Variants in SLC39A8 observed in about 807,000 individuals in gnomAD.
The protein encoded by SLC39A8 is metal cation symporter ZIP8.
A neutral mutation model predicts 40.4 loss-of-function variants in SLC39A8; 15 were observed. The ratio of observed to expected loss-of-function variants is 0.37; its 90% CI spans 0.25 to 0.57. The LOEUF (loss-of-function observed/expected upper bound fraction) is 0.57, where lower values mean the gene tolerates loss of function less well. Ranked by LOEUF, SLC39A8 falls within the 20% of genes least tolerant of loss-of-function variation. The pLI is 0.75. For missense variants in SLC39A8, 472 were observed against 558.8 expected (o/e 0.84, Z 1.57); for synonymous variants, 223 against 221.6 (o/e 1.01, Z -0.06).
chr4:102,344,880 G>A lies in SLC39A8; in HGVS notation c.-218C>T. The A allele has an allele frequency of 2.3e-6, 3 of 1,304,192 alleles. No homozygotes were observed. The highest frequency in any genetic ancestry group is 2.3e-5 in the South Asian group (1 of 42,844). 80.8% of individuals were successfully genotyped at this position (1,304,192 alleles called of 1,614,324 possible). ...AAGTGGCAGCGTAGCCGAGGGGAGC[G>A]ATAGGCGGAGTGGGCCCCCCGGCCT... On this transcript the variant is annotated 5_prime_UTR_variant, in exon 2 of 9. Transcript: ENST00000356736.
chr4:102,302,690 C>T (rs984808363), intron 6 of SLC39A8, among the ~76,000 whole-genome samples: 4 of 151,944 alleles, frequency 2.6e-5, no homozygotes, highest in African/African-American at 9.7e-5. Context: ...AGGAACTGAG[C>T]ATCTTTGGGT....
At chr4:102,258,122 T>TTTTA (rs1731754222), downstream of SLC39A8, among the ~76,000 whole-genome samples, 6 of 151,580 alleles carry the variant, frequency 4.0e-5, no homozygotes, top group African/African-American at 1.2e-4. Context: ...TTTTTTTTTT[T>TTTTA]GAGACGGAGT....
chr4:102,344,789 G>A lies in SLC39A8; in HGVS notation c.-127C>T. On this transcript the variant is annotated 5_prime_UTR_variant, in exon 2 of 9. Coordinates refer to ENST00000356736, the MANE Select transcript of SLC39A8 (RefSeq NM_001135146.2). ...TCGGCGCTGCTCCGAGTCAGAGGTG[G>A]CGCGGGACGCCCCTGGTTCTCCGAC... 2 of 1,320,920 alleles carry A rather than the reference G, an allele frequency of 1.5e-6. No individual in the cohort carries two copies. Among genetic ancestry groups the A allele is most frequent in the African/African-American group, 3.1e-5 (2 of 64,682 alleles). The allele number at this position is 1,320,920 out of a possible 1,614,324, so 81.8% of individuals were successfully genotyped here. A position where few individuals can be genotyped will look rare whatever the true frequency, so the allele number is the denominator to read the frequency against.
intron 6 of SLC39A8, among the ~76,000 whole-genome samples, chr4:102,291,270 A>C (rs1194896654): frequency 6.6e-6 from 1 of 152,006 alleles, no homozygotes; most frequent in Non-Finnish European, 1.5e-5. Context: ...AAGCATTGAA[A>C]ATGTATGCAT....
intron 2 of SLC39A8, among the ~76,000 whole-genome samples, chr4:102,344,136 A>G (rs1048057930): frequency 1.3e-5 from 2 of 152,184 alleles, no homozygotes; most frequent in African/African-American, 4.8e-5. Context: ...GCATCTGTTA[A>G]AGTGGCGTCA....
At chr4:102,333,679 C>T (rs1735560410) in intron 2 of SLC39A8, among the ~76,000 whole-genome samples, 1 of 152,090 alleles carries the variant, frequency 6.6e-6, no homozygotes, top group Non-Finnish European at 1.5e-5. Context: ...AGTTAGACAT[C>T]AATTGTCAGC....
intron 6 of SLC39A8, among the ~76,000 whole-genome samples, chr4:102,287,184 G>T (rs1471701464): frequency 6.6e-6 from 1 of 152,024 alleles, no homozygotes; most frequent in African/African-American, 2.4e-5. Context: ...CTATATCAGA[G>T]AGTATTGGCT....
intron 6 of SLC39A8, among the ~76,000 whole-genome samples, chr4:102,280,997 A>C (rs1732845416): frequency 6.6e-6 from 1 of 152,240 alleles, no homozygotes; most frequent in African/African-American, 2.4e-5. Flanking sequence ...ATCTAAAGTA[A>C]ATAATAGTTA....
intron 6 of SLC39A8, among the ~76,000 whole-genome samples, chr4:102,277,661 A>G (rs1281535287): frequency 3.3e-5 from 5 of 152,236 alleles, no homozygotes; most frequent in Admixed American, 3.3e-4. Context: ...GAACCAAAAA[A>G]GAGCCTGTAT....
In SLC39A8 at chr4:102,262,742, T is replaced by G; in HGVS notation, c.*302A>C. The G allele has an allele frequency of 9.4e-7, 1 of 1,063,674 alleles. No homozygotes were observed. Among genetic ancestry groups the G allele is most frequent in the South Asian group, 3.7e-5 (1 of 26,708 alleles). The allele number at this position is 1,063,674 out of a possible 1,614,324, so 65.9% of individuals were successfully genotyped here. A position where few individuals can be genotyped will look rare whatever the true frequency, so the allele number is the denominator to read the frequency against. ...CCCCTGAGTCTGAGTGTCTACATGA[T>G]TATAGAATGCATGTCTCTTGCTTCA... On this transcript the variant is annotated 3_prime_UTR_variant, in exon 9 of 9. Coordinates refer to ENST00000356736, the MANE Select transcript of SLC39A8 (RefSeq NM_001135146.2).
chr4:102,287,643 AT>A lies in SLC39A8; in HGVS notation c.840+16673del, dbSNP rs1031769763. ...GTACTCATCACACTACACAATAACT[AT>A]TTTTTATGTCAGTAAGTTCTAGTTT... On this transcript the variant is annotated intron_variant, in intron 6 of 8. Transcript: ENST00000356736. Among the ~76,000 whole-genome samples the A allele has an allele frequency of 1.6e-4, 24 of 152,182 alleles. No individual in the cohort carries two copies. The East Asian group carries it at 2.1e-3, about 13-fold the overall frequency.
chr4:102,276,620 C>T (rs920318782), intron 6 of SLC39A8, among the ~76,000 whole-genome samples: 3 of 152,192 alleles, frequency 2.0e-5, no homozygotes, highest in Non-Finnish European at 4.4e-5. Flanking sequence ...AAGAGGGACT[C>T]TTCCCTAGCT....
rs572725249 is a variant in SLC39A8 at position 102,272,404 on chromosome 4, G to A, written c.841-4325C>T. On this transcript the variant is annotated intron_variant, in intron 6 of 8. Coordinates refer to ENST00000356736, the MANE Select transcript of SLC39A8 (RefSeq NM_001135146.2). ...CAGTGAGCCGAGATCGCAGTGAGCC[G>A]AGCCTGGGTGACAGAGTGAGACTCC... Among the ~76,000 whole-genome samples the A allele has an allele frequency of 2.3e-4, 35 of 151,270 alleles. 1 individual carries two copies. The highest frequency in any genetic ancestry group is 5.9e-4 in the Admixed American group (9 of 15,204).
chr4:102,324,030 C>T (rs1735083527), intron 2 of SLC39A8, among the ~76,000 whole-genome samples: 2 of 152,190 alleles, frequency 1.3e-5, no homozygotes, highest in South Asian at 4.1e-4. Context: ...GATGGCTACA[C>T]TAAAAGCCCA....
chr4:102,260,096 T>G (rs567889460), downstream of SLC39A8, among the ~76,000 whole-genome samples: 43 of 152,316 alleles, frequency 2.8e-4, no homozygotes, highest in African/African-American at 1.0e-3. Context: ...ACTGCTCAGA[T>G]GGGCCAGTAT....
At chr4:102,291,622 T>TACC (rs1733446451) in intron 6 of SLC39A8, among the ~76,000 whole-genome samples, 1 of 151,970 alleles carries the variant, frequency 6.6e-6, no homozygotes, top group Admixed American at 6.6e-5. Flanking sequence ...GCTAAAAATA[T>TACC]ACCACCACTC....
At chr4:102,261,658 A>T (rs1354701730), downstream of SLC39A8, 1 of 965,438 alleles carries the variant, frequency 1.0e-6, no homozygotes, top group Admixed American at 6.2e-5. Context: ...AACAAATGAC[A>T]CAATACATGG....
At chr4:102,339,198 G>A (rs1735805578) in intron 2 of SLC39A8, among the ~76,000 whole-genome samples, 3 of 152,004 alleles carry the variant, frequency 2.0e-5, no homozygotes. Flanking sequence ...TTGTCTTGGA[G>A]GATTCTTAAC....
chr4:102,304,789 AT>A (rs200096607), intron 5 of SLC39A8, among the ~76,000 whole-genome samples, 199 bp downstream of exon 5: 224 of 151,700 alleles, frequency 1.5e-3, no homozygotes, highest in African/African-American at 5.0e-3. Context: ...AAAAACAAAA[AT>A]AACCTCCAAA....
Sources: gnomAD v4.1 joint callset for allele counts (sites outside exome capture counted in the v4.1 genomes callset) on GRCh38, gnomAD v4.1.1 for gene constraint, MANE v1.5 for transcripts, NCBI Gene and HGNC (gene_info 2026-07-23, HGNC 2026-07-21) for gene names.